Variants in ACAA2 observed in about 807,000 individuals in gnomAD.
ACAA2 encodes the protein acetyl-CoA acyltransferase 2.
Under a neutral mutation model 44.8 loss-of-function variants are expected in ACAA2, and 35 were observed. That is an observed-to-expected ratio of 0.78 (90% CI 0.60 to 1.04). The LOEUF is 1.04. Ranked by LOEUF, ACAA2 falls within the 50% of genes least tolerant of loss-of-function variation. The probability of loss-of-function intolerance (pLI) is 0.00; values close to 1 mark genes in which losing one functional copy is unlikely to be tolerated. For synonymous variants in ACAA2, 142 were observed against 166.5 expected (o/e 0.85, Z 1.13); for missense variants, 468 against 482.6 (o/e 0.97, Z 0.28).
chr18:49,792,508 A>G (rs1430485897), intron 5 of ACAA2, among the ~76,000 whole-genome samples, 181 bp from the exon 6 acceptor site: 3 of 152,172 alleles, frequency 2.0e-5, no homozygotes, highest in African/African-American at 7.2e-5. Context: ...GCAACGGCAC[A>G]GTCTCGGCTC....
intron 7 of ACAA2, among the ~76,000 whole-genome samples, chr18:49,788,561 T>TTGTA (rs1381957281): frequency 6.6e-6 from 1 of 152,344 alleles, no homozygotes; most frequent in East Asian, 1.9e-4. Context: ...CAGATTCTCT[T>TTGTA]TGTATGTCTA....
chr18:49,802,812 A>T lies in ACAA2; in HGVS notation c.58T>A (p.Tyr20Asn). ...VAAKRTPFGA[Y>N]GGLLKDFTAT... The stretch of plus-strand genomic sequence containing the variant: ...GTGAAGTCTTTCAGAAGGCCTCCGT[A>T]AGCTCCAAAGGGCGTTCGCTTAGCA... Residue 20 changes from tyrosine (Y) to asparagine (N), a missense_variant, in exon 2 of 10, where the codon TAC (tyrosine) becomes AAC (asparagine). Physicochemically the swap from Tyr to Asn is moderately radical, Grantham distance 143. Coordinates refer to ENST00000285093, the MANE Select transcript of ACAA2 (RefSeq NM_006111.3). The T allele has an allele frequency of 6.2e-7, 1 of 1,614,154 alleles. No homozygotes were observed. The highest frequency in any genetic ancestry group is 8.5e-7 in the Non-Finnish European group (1 of 1,180,028).
In ACAA2 at chr18:49,783,436, G is replaced by GTTTATGTAATGTGTATCT. The variant is rs1227593264; in HGVS notation, c.*393_*410dup. The stretch of plus-strand genomic sequence containing the variant: ...GCTAAAAAAGGGTTAAGATGGTAAA[G>GTTTATGTAATGTGTATCT]TTTATGTAATGTGTATCTTATCACA... On this transcript the variant is annotated 3_prime_UTR_variant, in exon 10 of 10. Coordinates refer to ENST00000285093, the MANE Select transcript of ACAA2 (RefSeq NM_006111.3). 1.3e-5 allele frequency: 2 copies of GTTTATGTAATGTGTATCT among 158,854 alleles called. No homozygotes were observed. The highest frequency in any genetic ancestry group is 4.8e-5 in the African/African-American group (2 of 41,598). 9.8% of individuals were successfully genotyped at this position (158,854 alleles called of 1,614,324 possible).
At position 49,783,433 on chromosome 18, in the gene ACAA2, A is replaced by G. The variant is rs947769353; in HGVS notation, c.*414T>C. Reference sequence around the variant, plus strand: ...TACGCTAAAAAAGGGTTAAGATGGTAAAGTTTATGTAATGTGTATCTTATC... The same window carrying G: ...TACGCTAAAAAAGGGTTAAGATGGTGAAGTTTATGTAATGTGTATCTTATC... On this transcript the variant is annotated 3_prime_UTR_variant, in exon 10 of 10. Coordinates refer to ENST00000285093, the MANE Select transcript of ACAA2 (RefSeq NM_006111.3). 1 of 157,130 alleles carries G rather than the reference A, an allele frequency of 6.4e-6. No individual in the cohort carries two copies. The highest frequency in any genetic ancestry group is 1.4e-5 in the Non-Finnish European group (1 of 70,738). The allele number at this position is 157,130 out of a possible 1,614,324, so 9.7% of individuals were successfully genotyped here.
At chr18:49,784,276 C>T (rs2023301368) in intron 9 of ACAA2, among the ~76,000 whole-genome samples, 1 of 152,098 alleles carries the variant, frequency 6.6e-6, no homozygotes, top group Non-Finnish European at 1.5e-5. Context: ...GAGGAGGTAA[C>T]TGGATAAATG....
intron 1 of ACAA2, among the ~76,000 whole-genome samples, chr18:49,807,175 G>C (rs1349225291): frequency 6.6e-6 from 1 of 152,198 alleles, no homozygotes; most frequent in East Asian, 1.9e-4. Flanking sequence ...TGGGAGGACT[G>C]TGTCAGGATA....
chr18:49,795,800 C>A lies in ACAA2; in HGVS notation c.394G>T (p.Val132Leu). 11 of 1,610,334 alleles carry A rather than the reference C, an allele frequency of 6.8e-6. No individual in the cohort carries two copies. Among genetic ancestry groups the A allele is most frequent in the Non-Finnish European group, 9.3e-6 (11 of 1,178,336 alleles). Residue 132 changes from valine to leucine, a missense_variant, in exon 4 of 10, where the codon GTG becomes TTG. By Grantham distance (32) the Val-to-Leu change is conservative. Coordinates refer to ENST00000285093, the MANE Select transcript of ACAA2 (RefSeq NM_006111.3). Reference sequence around the variant, plus strand: ...GATCCAAGCTTGGTTCCAAAACGCACATTTCTGACACAGTAGGGAGCTTGG... The same window carrying A: ...GATCCAAGCTTGGTTCCAAAACGCAAATTTCTGACACAGTAGGGAGCTTGG... ...MSQAPYCVRNVRFGTKLGSDI... is the reference protein window; with the variant it reads ...MSQAPYCVRNLRFGTKLGSDI...
chr18:49,805,227 C>G, intron 1 of ACAA2, among the ~76,000 whole-genome samples: 1 of 152,194 alleles, frequency 6.6e-6, no homozygotes, highest in East Asian at 1.9e-4. Context: ...CTACTGGTAT[C>G]TAAGTATAAT....
chr18:49,783,983 T>C (rs370544574), intron 9 of ACAA2, 52 bp from the exon 10 acceptor site: 5 of 1,458,598 alleles, frequency 3.4e-6, no homozygotes, highest in Non-Finnish European at 4.8e-6. Flanking sequence ...ATCAGATTAA[T>C]GAAATAGAAC....
At chr18:49,803,600 T>G (rs2023581294) in intron 1 of ACAA2, among the ~76,000 whole-genome samples, 1 of 152,252 alleles carries the variant, frequency 6.6e-6, no homozygotes, top group Non-Finnish European at 1.5e-5. Flanking sequence ...CACTGTGATG[T>G]AAAGCCATTC....
intron 4 of ACAA2, among the ~76,000 whole-genome samples, 165 bp downstream of exon 4, chr18:49,795,598 TAG>T (rs999214185): frequency 2.0e-5 from 3 of 152,218 alleles, no homozygotes; most frequent in African/African-American, 4.8e-5. Context: ...ACCACCAAAA[TAG>T]AGTTTTGAAA....
At chr18:49,810,974 GT>G (rs111343132) in intron 1 of ACAA2, among the ~76,000 whole-genome samples, 653 of 53,118 alleles carry the variant, frequency 0.012, 15 homozygotes, top group Middle Eastern at 0.028. Context: ...AAGGTTTAAA[GT>G]TTTTTTTTTT....
intron 9 of ACAA2, among the ~76,000 whole-genome samples, chr18:49,784,353 A>C (rs191169115): frequency 1.8e-4 from 27 of 152,298 alleles, no homozygotes; most frequent in African/African-American, 5.8e-4. Context: ...ATAGTGTGAG[A>C]GCCTCATGGC....
chr18:49,789,496 G>A (rs2023372976), intron 7 of ACAA2, among the ~76,000 whole-genome samples: 2 of 152,102 alleles, frequency 1.3e-5, no homozygotes, highest in South Asian at 2.1e-4. Context: ...AGCATTCTTT[G>A]TACTTTAGGG....
intron 5 of ACAA2, among the ~76,000 whole-genome samples, chr18:49,793,127 A>G (rs914672641): frequency 6.6e-6 from 1 of 152,292 alleles, no homozygotes; most frequent in African/African-American, 2.4e-5. Context: ...CTATGCCACA[A>G]AGTAATCTAA....
intron 1 of ACAA2, among the ~76,000 whole-genome samples, chr18:49,808,888 C>T (rs1306379287): frequency 6.6e-6 from 1 of 152,190 alleles, no homozygotes; most frequent in South Asian, 2.1e-4. Context: ...GAGAACTGGT[C>T]TGACCTCAAA....
Position 49,797,551 on chromosome 18 carries a change from C to A in ACAA2, c.227G>T (p.Arg76Leu), listed in dbSNP as rs149964586. ...AIYLARHVGL[R>L]VGIPKETPAL... is the part of the protein sequence containing the mutation. Reference sequence around the variant, plus strand: ...TGGGGTCTCCTTTGGGATTCCCACACGCAAACCAACATGCCTTGCCAAATA... The same window carrying A: ...TGGGGTCTCCTTTGGGATTCCCACAAGCAAACCAACATGCCTTGCCAAATA... The change falls in exon 3 of 10, where the codon CGT becomes CTT. Residue 76 changes from arginine to leucine, a missense_variant. Coordinates refer to ENST00000285093, the MANE Select transcript of ACAA2 (RefSeq NM_006111.3). 2 of 1,611,892 alleles carry A rather than the reference C, an allele frequency of 1.2e-6. No individual in the cohort carries two copies. Among genetic ancestry groups the A allele is most frequent in the Non-Finnish European group, 1.7e-6 (2 of 1,179,280 alleles).
At chr18:49,785,633 C>A in intron 8 of ACAA2, 1 of 394,524 alleles carries the variant, frequency 2.5e-6, no homozygotes, top group Non-Finnish European at 4.5e-6. Context: ...AGAAAGCCCA[C>A]AGGTTTTAGA....
At chr18:49,802,604 C>T in intron 2 of ACAA2, 83 bp downstream of exon 2, 3 of 1,217,538 alleles carry the variant, frequency 2.5e-6, no homozygotes, top group Middle Eastern at 2.0e-4. Flanking sequence ...AACTTGTTTA[C>T]CATTATGATA....
Sources: gnomAD v4.1 joint callset for allele counts (sites outside exome capture counted in the v4.1 genomes callset) on GRCh38, gnomAD v4.1.1 for gene constraint, MANE v1.5 for transcripts, NCBI Gene and HGNC (gene_info 2026-07-23, HGNC 2026-07-21) for gene names.